Variants in SARDH observed in about 807,000 individuals in gnomAD.
SARDH encodes sarcosine dehydrogenase.
In SARDH, 95 loss-of-function variants were observed where a neutral mutation model predicts 109.1. The ratio of observed to expected loss-of-function variants is 0.87; its 90% confidence interval spans 0.74 to 1.03. The LOEUF is 1.03. Among genes scored for constraint, SARDH ranks in the 50% least tolerant of loss-of-function variants. The pLI, the probability that SARDH is intolerant of heterozygous loss-of-function variation, is 0.00. For synonymous variants in SARDH, 572 were observed against 534.8 expected (o/e 1.07, Z -0.96); for missense variants, 1,267 against 1,287.8 (o/e 0.98, Z 0.25).
chr9:133,723,240 G>A (rs953700143), intron 6 of SARDH, among the ~76,000 whole-genome samples: 10 of 152,200 alleles, frequency 6.6e-5, no homozygotes, highest in African/African-American at 2.4e-4. Flanking sequence ...CACAATGCCT[G>A]TCAGAATCTC....
chr9:133,669,339 C>G (rs1588375544), intron 19 of SARDH, among the ~76,000 whole-genome samples: 1 of 113,544 alleles, frequency 8.8e-6, no homozygotes, highest in Non-Finnish European at 1.8e-5. Flanking sequence ...CCCTCGTCCT[C>G]CCTCTCCCTC....
At chr9:133,714,077 T>A (rs1408283315) in intron 8 of SARDH, among the ~76,000 whole-genome samples, 1 of 152,170 alleles carries the variant, frequency 6.6e-6, no homozygotes, top group African/African-American at 2.4e-5. Context: ...CACCACACCA[T>A]GTTAGACTCT....
In SARDH at chr9:133,728,288, G is replaced by A. The variant is rs10993779; in HGVS notation, c.915+1477C>T. On this transcript the variant is annotated intron_variant, in intron 6 of 20. Transcript: ENST00000439388. This position sits in a 1 kb window ranked among gnomAD's most constrained non-coding sequence, Gnocchi z 5.0. ...CTTCACTACCCTGGTCTACGAAGCA[G>A]CCAAGCCTGGTACCTCCCCGGTGAC... Among the ~76,000 whole-genome samples, 1 of 152,268 alleles carries A rather than the reference G, an allele frequency of 6.6e-6. No homozygotes were observed. The highest frequency in any genetic ancestry group is 1.9e-4 in the East Asian group (1 of 5,188).
intron 12 of SARDH, chr9:133,703,365 C>CT (rs1402313550): frequency 8.7e-6 from 3 of 344,876 alleles, no homozygotes; most frequent in Non-Finnish European, 1.7e-5. Flanking sequence ...CCTGGAGCCA[C>CT]GGCAATCCCA....
At chr9:133,682,255 G>A (rs988858205) in intron 17 of SARDH, among the ~76,000 whole-genome samples, 2 of 152,218 alleles carry the variant, frequency 1.3e-5, no homozygotes, top group African/African-American at 4.8e-5. Flanking sequence ...GTGGTTCTCG[G>A]GGAACGTTCA....
chr9:133,730,676 CT>C (rs1043817647), intron 4 of SARDH, among the ~76,000 whole-genome samples: 3 of 151,770 alleles, frequency 2.0e-5, no homozygotes, highest in Non-Finnish European at 4.4e-5. Flanking sequence ...GCTTATTTGT[CT>C]TCTTAAAATT....
rs947554414 is a variant in SARDH at position 133,693,938 on chromosome 9, A to G, written c.1921+320T>C. The stretch of plus-strand genomic sequence containing the variant: ...GAGCTGACTGCTTTGAGTGGGAGGC[A>G]CGGCCTAGCATTGGTACGCTTTGTT... On this transcript the variant is annotated intron_variant, in intron 15 of 20. Coordinates refer to ENST00000439388, the MANE Select transcript of SARDH (RefSeq NM_001134707.2). This position sits in a 1 kb window ranked among gnomAD's most constrained non-coding sequence, Gnocchi z 5.6. Among the ~76,000 whole-genome samples, 10 of 152,230 alleles carry G rather than the reference A, an allele frequency of 6.6e-5. No individual in the cohort carries two copies. The highest frequency in any genetic ancestry group is 1.5e-4 in the Non-Finnish European group (10 of 68,036).
In SARDH at chr9:133,717,315, C is replaced by T. The variant is rs1382549257; in HGVS notation, c.1150+11G>A. The T allele has an allele frequency of 6.2e-7, 1 of 1,613,686 alleles. No homozygotes were observed. The highest frequency in any genetic ancestry group is 1.1e-5 in the South Asian group (1 of 91,018). The stretch of plus-strand genomic sequence containing the variant: ...ATGGACGCCCACCCCAGCTCCGAGG[C>T]TGTCACTCACCAGGGCCGCAGACCG... On this transcript the variant is annotated intron_variant, in intron 8 of 20. Coordinates refer to ENST00000439388, the MANE Select transcript of SARDH (RefSeq NM_001134707.2).
At chr9:133,737,138 C>A (rs1489576976) in intron 1 of SARDH, among the ~76,000 whole-genome samples, 1 of 152,242 alleles carries the variant, frequency 6.6e-6, no homozygotes, top group Non-Finnish European at 1.5e-5. Context: ...TCTGTCCCAC[C>A]TGAACTGTGG....
chr9:133,723,714 G>C (rs1832400918), intron 6 of SARDH, among the ~76,000 whole-genome samples: 1 of 152,226 alleles, frequency 6.6e-6, no homozygotes, highest in South Asian at 2.1e-4. Flanking sequence ...AGTGAGCAGA[G>C]ATCACACCAC....
chr9:133,709,916 G>A lies in SARDH; in HGVS notation c.1329-1488C>T, dbSNP rs183124446. Among the ~76,000 whole-genome samples, 474 of 152,286 alleles carry A rather than the reference G, an allele frequency of 3.1e-3. 5 individuals are homozygous for A. Among genetic ancestry groups the A allele is most frequent in the Non-Finnish European group, 2.8e-3 (192 of 68,038 alleles). On this transcript the variant is annotated intron_variant, in intron 10 of 20. Transcript: ENST00000439388. The surrounding 1 kb of genome is among the most constrained non-coding windows in gnomAD (Gnocchi z 4.2). ...TATGCTGACCAGGAGCTGAAGGAGG[G>A]GGTGATGGAGCCAGTGAAGGTCTGG... is the stretch of plus-strand genomic sequence containing the variant.
chr9:133,725,557 T>A (rs767517570), intron 6 of SARDH: 10 of 433,292 alleles, frequency 2.3e-5, no homozygotes, highest in Non-Finnish European at 4.2e-5. Flanking sequence ...GCACATTTAA[T>A]CCCAGCTACA....
At position 133,727,264 on chromosome 9, in the gene SARDH, A is replaced by T. The variant is rs139520345; in HGVS notation, c.915+2501T>A. Among the ~76,000 whole-genome samples the T allele has an allele frequency of 1.1e-3, 168 of 152,332 alleles. No homozygotes were observed. In the Middle Eastern group the frequency reaches 0.017, roughly 15 times the overall value. ...TCAGAAAAGGGAGGTCCTTGGGGCCACACAGCCCTCCAGCCACCCAAGAAG... is the reference window on the plus strand; with the variant it reads ...TCAGAAAAGGGAGGTCCTTGGGGCCTCACAGCCCTCCAGCCACCCAAGAAG... On this transcript the variant is annotated intron_variant, in intron 6 of 20. Transcript: ENST00000439388.
intron 3 of SARDH, among the ~76,000 whole-genome samples, 166 bp downstream of exon 3, chr9:133,732,257 C>T (rs1004284278): frequency 6.6e-6 from 1 of 151,088 alleles, no homozygotes; most frequent in African/African-American, 2.4e-5. Flanking sequence ...CCACCCCAGC[C>T]CCCCGCAGGG....
At chr9:133,685,004 A>C (rs1447188413) in intron 17 of SARDH, among the ~76,000 whole-genome samples, 189 bp downstream of exon 17, 1 of 151,772 alleles carries the variant, frequency 6.6e-6, no homozygotes, top group Non-Finnish European at 1.5e-5. Context: ...GATCCACATG[A>C]CCTCTCCAAG....
At chr9:133,719,391 T>G (rs1832242855) in intron 6 of SARDH, among the ~76,000 whole-genome samples, 1 of 152,068 alleles carries the variant, frequency 6.6e-6, no homozygotes, top group South Asian at 2.1e-4. Context: ...GGATGGGAGA[T>G]TCCAACCAAC....
intron 6 of SARDH, among the ~76,000 whole-genome samples, chr9:133,724,539 G>A (rs961461847): frequency 2.6e-5 from 4 of 152,106 alleles, no homozygotes; most frequent in Admixed American, 2.6e-4. Flanking sequence ...GAGGGGAGCT[G>A]GAACCCCTCC....
chr9:133,716,387 T>C (rs1832123026), intron 8 of SARDH, among the ~76,000 whole-genome samples: 1 of 152,208 alleles, frequency 6.6e-6, no homozygotes, highest in Admixed American at 6.5e-5. Flanking sequence ...TGCCCCACAC[T>C]CAACTCAGGG....
intron 13 of SARDH, among the ~76,000 whole-genome samples, chr9:133,699,022 T>C (rs1479969763): frequency 1.3e-5 from 2 of 152,160 alleles, no homozygotes; most frequent in African/African-American, 4.8e-5. Context: ...AAGAGACTTG[T>C]AACTAAACTA....
Sources: gnomAD v4.1 joint callset for allele counts (sites outside exome capture counted in the v4.1 genomes callset) on GRCh38, gnomAD v4.1.1 for gene constraint, Gnocchi (gnomAD v3.1) non-coding constraint, MANE v1.5 for transcripts, NCBI Gene and HGNC (gene_info 2026-07-23, HGNC 2026-07-21) for gene names.